FNBP1: variants seen among roughly 807,000 people sequenced by gnomAD.
The protein encoded by FNBP1 is formin binding protein 1.
Under a neutral mutation model 90.6 loss-of-function variants are expected in FNBP1, and 26 were observed. The observed-to-expected ratio is 0.29, with a 90% CI of 0.21 to 0.40. FNBP1 has a LOEUF of 0.40. Among genes scored for constraint, FNBP1 ranks in the 10% least tolerant of loss-of-function variants. The pLI, the probability that FNBP1 is intolerant of heterozygous loss-of-function variation, is 1.00. For synonymous variants in FNBP1, 260 were observed against 265.2 expected, an observed-to-expected ratio of 0.98 and a Z score of 0.19; for missense variants, 635 against 768.0, an observed-to-expected ratio of 0.83 and a Z score of 2.05.
chr9:129,921,213 A>G (rs1035939560), intron 10 of FNBP1, among the ~76,000 whole-genome samples: 7 of 151,884 alleles, frequency 4.6e-5, no homozygotes, highest in Admixed American at 3.9e-4. Flanking sequence ...TTTGTCCCCT[A>G]TTTTTAAAAA....
chr9:130,017,659 G>T (rs2057373106), intron 1 of FNBP1, among the ~76,000 whole-genome samples: 1 of 151,826 alleles, frequency 6.6e-6, no homozygotes, highest in Non-Finnish European at 1.5e-5. Context: ...GCGAAACCCA[G>T]TCTCTACTAA....
intron 4 of FNBP1, among the ~76,000 whole-genome samples, chr9:129,967,818 T>C (rs987984924): frequency 1.2e-4 from 18 of 152,086 alleles, no homozygotes; most frequent in Non-Finnish European, 1.5e-5. Context: ...AGAAAAGAAT[T>C]TGAGTGTCCT....
At chr9:130,003,038 C>A (rs1284298949) in intron 1 of FNBP1, among the ~76,000 whole-genome samples, 1 of 152,036 alleles carries the variant, frequency 6.6e-6, no homozygotes, top group Admixed American at 6.6e-5. Context: ...CAATTATTTT[C>A]AGGTCTGGTT....
chr9:129,903,629 A>G (rs562460446), intron 12 of FNBP1, among the ~76,000 whole-genome samples: 1 of 152,276 alleles, frequency 6.6e-6, no homozygotes, highest in Admixed American at 6.5e-5. Flanking sequence ...ATAAATAAAT[A>G]AAAGCCAATA....
At chr9:129,991,435 T>A (rs2053139597) in intron 2 of FNBP1, among the ~76,000 whole-genome samples, 1 of 151,846 alleles carries the variant, frequency 6.6e-6, no homozygotes, top group African/African-American at 2.4e-5. Flanking sequence ...CATGCCTGGC[T>A]AATTTTTTAA....
intron 4 of FNBP1, among the ~76,000 whole-genome samples, chr9:129,962,882 T>C (rs2048027337): frequency 6.6e-6 from 1 of 152,142 alleles, no homozygotes; most frequent in Non-Finnish European, 1.5e-5. Context: ...AAAGCCACGC[T>C]TTCAGGGAGG....
intron 16 of FNBP1, among the ~76,000 whole-genome samples, chr9:129,892,932 C>T (rs2035260173): frequency 6.8e-6 from 1 of 147,652 alleles, no homozygotes; most frequent in South Asian, 2.3e-4. Context: ...GAGCTATTTT[C>T]TGAATTAAAT....
chr9:130,004,193 G>A (rs571006184), intron 1 of FNBP1, among the ~76,000 whole-genome samples: 34 of 151,780 alleles, frequency 2.2e-4, no homozygotes, highest in African/African-American at 7.0e-4. Context: ...AACCTGGGAC[G>A]TAGATGTTGC....
rs541982666 is a variant in FNBP1, at chr9:129,988,401, A to C, written c.140+6442T>G. Among the ~76,000 whole-genome samples the C allele has an allele frequency of 6.6e-5, 10 of 152,312 alleles. No homozygotes were observed. The East Asian group carries it at 1.9e-3, about 29-fold the overall frequency. ...ACCAGAAAGTAAATATTTCAGGGCC[A>C]GGTGCGGTGGCTCATGCCTGTAATC... On this transcript the variant is annotated intron_variant, in intron 2 of 16. Transcript: ENST00000446176.
At chr9:129,956,457 T>C (rs2046956239) in intron 6 of FNBP1, among the ~76,000 whole-genome samples, 1 of 152,152 alleles carries the variant, frequency 6.6e-6, no homozygotes, top group South Asian at 2.1e-4. Context: ...TTGATGACTT[T>C]AATAAAAATA....
intron 4 of FNBP1, among the ~76,000 whole-genome samples, chr9:129,971,247 T>G (rs546981524): frequency 4.6e-5 from 7 of 152,102 alleles, no homozygotes; most frequent in Admixed American, 2.6e-4. Flanking sequence ...TACAGTTTTG[T>G]TCATCAGGAA....
intron 6 of FNBP1, among the ~76,000 whole-genome samples, chr9:129,956,229 C>T (rs1392038673): frequency 6.6e-6 from 1 of 151,958 alleles, no homozygotes; most frequent in Non-Finnish European, 1.5e-5. Context: ...TAACGTATAC[C>T]TAGTCTTTAA....
At chr9:129,993,781 T>C (rs1375391405) in intron 2 of FNBP1, among the ~76,000 whole-genome samples, 1 of 151,936 alleles carries the variant, frequency 6.6e-6, no homozygotes, top group Non-Finnish European at 1.5e-5. Context: ...CCTGCCACCA[T>C]GCCCCACTAA....
In FNBP1 at chr9:129,902,850, C is replaced by T. The variant is rs114364528; in HGVS notation, c.1428+19G>A. Reference sequence around the variant, plus strand: ...GTTCTTCGTTTCCAACAAAGCTTTCCACAACAGAAGTTTCATACCTCAAAT... The same window carrying T: ...GTTCTTCGTTTCCAACAAAGCTTTCTACAACAGAAGTTTCATACCTCAAAT... On this transcript the variant is annotated intron_variant, in intron 13 of 16. Transcript: ENST00000446176. 1.0e-3 allele frequency: 1,651 copies of T among 1,612,216 alleles called. 14 individuals carry two copies. The African/African-American group carries it at 0.02, about 19-fold the overall frequency.
chr9:129,904,750 CATT>C (rs1398098000), intron 12 of FNBP1, among the ~76,000 whole-genome samples: 1 of 151,968 alleles, frequency 6.6e-6, no homozygotes, highest in Non-Finnish European at 1.5e-5. Context: ...ATGCATCATT[CATT>C]ATTATTATGC....
rs909713985 is a variant in FNBP1, at chr9:129,908,851, G to A, written c.1295+39C>T. The A allele has an allele frequency of 2.9e-6, 4 of 1,378,316 alleles. No individual in the cohort carries two copies. The African/African-American group carries it at 4.3e-5, about 15-fold the overall frequency. 85.4% of individuals were successfully genotyped at this position (1,378,316 alleles called of 1,614,324 possible). On this transcript the variant is annotated intron_variant, in intron 12 of 16. Transcript: ENST00000446176. The stretch of plus-strand genomic sequence containing the variant: ...TACAGGTTGTGAGCCACTGCGCCTG[G>A]CCTTGAATTTCTTAATAAGTCATAT...
intron 1 of FNBP1, among the ~76,000 whole-genome samples, chr9:130,025,470 A>C (rs914985793): frequency 6.6e-6 from 1 of 152,236 alleles, no homozygotes; most frequent in African/African-American, 2.4e-5. Context: ...TCCTAGGATC[A>C]CTATTTCAGT....
chr9:130,018,893 T>C (rs570818444), intron 1 of FNBP1, among the ~76,000 whole-genome samples: 1 of 152,270 alleles, frequency 6.6e-6, no homozygotes, highest in East Asian at 1.9e-4. Flanking sequence ...GCAAGAATCA[T>C]CTTTTGCTAG....
intron 6 of FNBP1, among the ~76,000 whole-genome samples, chr9:129,947,805 A>G (rs2045559479): frequency 6.6e-6 from 1 of 151,846 alleles, no homozygotes; most frequent in Non-Finnish European, 1.5e-5. Flanking sequence ...TATTTTTAGT[A>G]GAGACAGGGT....
Sources: allele counts gnomAD v4.1 joint callset (sites outside exome capture counted in the v4.1 genomes callset), GRCh38; gene constraint gnomAD v4.1.1; transcripts MANE v1.5; gene names NCBI Gene and HGNC (gene_info 2026-07-23, HGNC 2026-07-21).